Variants in RNF38 observed in about 807,000 individuals in gnomAD.
RNF38 encodes the protein ring finger protein 38, also known as E3 ubiquitin-protein ligase RNF38.
Under a neutral mutation model 67.2 loss-of-function variants are expected in RNF38, and 15 were observed. The observed-to-expected ratio is 0.22, with a 90% CI of 0.15 to 0.34. The LOEUF (loss-of-function observed/expected upper bound fraction) is 0.34. Among genes scored for constraint, RNF38 ranks in the 10% least tolerant of loss-of-function variants. RNF38 has a pLI of 1.00. For missense variants in RNF38, 524 were observed against 639.9 expected, an observed-to-expected ratio of 0.82 and a Z score of 1.95; for synonymous variants, 220 against 218.8, an observed-to-expected ratio of 1.01 and a Z score of -0.05.
At chr9:36,447,125 CAAAAA>C (rs535462916) in intron 1 of RNF38, among the ~76,000 whole-genome samples, 3 of 93,086 alleles carry the variant, frequency 3.2e-5, no homozygotes, top group African/African-American at 1.2e-4. Flanking sequence ...AGACTGTCTC[CAAAAA>C]AAAAAAAAAA....
intron 9 of RNF38, among the ~76,000 whole-genome samples, chr9:36,348,706 C>T (rs1193856717): frequency 6.6e-6 from 1 of 152,184 alleles, no homozygotes; most frequent in South Asian, 2.1e-4. Context: ...TGGAAGCTAG[C>T]AAAGGCTGGT....
At chr9:36,348,952 G>A (rs1833503452) in intron 9 of RNF38, among the ~76,000 whole-genome samples, 2 of 151,170 alleles carry the variant, frequency 1.3e-5, no homozygotes, top group Admixed American at 6.6e-5. Context: ...TGGCTTCAAA[G>A]AACAGGCTGA....
chr9:36,381,493 A>G (rs1394288934), intron 2 of RNF38, among the ~76,000 whole-genome samples: 3 of 152,198 alleles, frequency 2.0e-5, no homozygotes, highest in African/African-American at 7.2e-5. Flanking sequence ...TTTTGTGACA[A>G]TAAGATACCA....
intron 1 of RNF38, among the ~76,000 whole-genome samples, chr9:36,482,007 G>C (rs1011178327): frequency 6.6e-6 from 1 of 151,570 alleles, no homozygotes; most frequent in Non-Finnish European, 1.5e-5. Flanking sequence ...GTGGCACATA[G>C]GTACTATACT....
intron 3 of RNF38, among the ~76,000 whole-genome samples, chr9:36,373,211 T>TA (rs1048663450): frequency 1.3e-5 from 2 of 151,972 alleles, no homozygotes; most frequent in Non-Finnish European, 2.9e-5. Flanking sequence ...ACATTTCCAA[T>TA]AAAAAAGTTA....
At chr9:36,342,448 TAACCACAA>T in intron 10 of RNF38, 24 bp from the exon 11 acceptor site, 1 of 1,456,902 alleles carries the variant, frequency 6.9e-7, no homozygotes. Flanking sequence ...AAAGATCATT[TAACCACAA>T]AACCAGATGG....
chr9:36,419,259 AC>A (rs1477871992), intron 2 of RNF38, among the ~76,000 whole-genome samples: 9 of 152,182 alleles, frequency 5.9e-5, no homozygotes, highest in African/African-American at 2.2e-4. Context: ...GCGATATTGA[AC>A]CTGTAAGTAC....
chr9:36,397,096 T>C (rs994054422), intron 1 of RNF38, among the ~76,000 whole-genome samples: 1 of 135,364 alleles, frequency 7.4e-6, no homozygotes, highest in African/African-American at 2.9e-5. Flanking sequence ...TATATATATA[T>C]ATGTTTTGTT....
chr9:36,373,942 C>T (rs1174195531), intron 3 of RNF38, among the ~76,000 whole-genome samples: 1 of 152,138 alleles, frequency 6.6e-6, no homozygotes, highest in Non-Finnish European at 1.5e-5. Context: ...CCATCCACCT[C>T]GGCCTCCCAA....
intron 1 of RNF38, among the ~76,000 whole-genome samples, chr9:36,430,544 G>A (rs1348284202): frequency 6.6e-6 from 1 of 152,062 alleles, no homozygotes; most frequent in Non-Finnish European, 1.5e-5. Context: ...GGAGGAAAGA[G>A]GTAGTTAATG....
intron 11 of RNF38, among the ~76,000 whole-genome samples, chr9:36,340,812 C>A (rs900989659): frequency 3.3e-5 from 5 of 152,194 alleles, no homozygotes; most frequent in African/African-American, 1.2e-4. Context: ...TTGCTTTCTC[C>A]ATTTCAACAA....
At chr9:36,351,673 A>G (rs1207708046) in intron 8 of RNF38, among the ~76,000 whole-genome samples, 2 of 152,188 alleles carry the variant, frequency 1.3e-5, no homozygotes, top group Non-Finnish European at 2.9e-5. Context: ...AAAAACTATG[A>G]CCACAGTGTG....
At chr9:36,425,094 A>G (rs188596706) in intron 1 of RNF38, among the ~76,000 whole-genome samples, 16 of 152,346 alleles carry the variant, frequency 1.1e-4, no homozygotes, top group African/African-American at 3.8e-4. Context: ...TTCTAAACAT[A>G]TAAGAAACAA....
intron 2 of RNF38, among the ~76,000 whole-genome samples, chr9:36,383,250 G>C (rs1836340366): frequency 6.6e-6 from 1 of 152,154 alleles, no homozygotes; most frequent in South Asian, 2.1e-4. Flanking sequence ...CTGCCAGGCT[G>C]GAGTGCAGTG....
intron 1 of RNF38, among the ~76,000 whole-genome samples, chr9:36,472,467 A>G (rs778740055): frequency 3.2e-4 from 48 of 152,328 alleles, no homozygotes; most frequent in Non-Finnish European, 6.0e-4. Flanking sequence ...GTCCAAGACA[A>G]TTCTTTCAAC....
intron 1 of RNF38, among the ~76,000 whole-genome samples, chr9:36,460,824 T>G (rs1303558010): frequency 1.4e-5 from 2 of 142,618 alleles, no homozygotes; most frequent in Non-Finnish European, 3.0e-5. Flanking sequence ...GAGGTGAAGG[T>G]TGCAGCGAGC....
At position 36,357,436 on chromosome 9, in the gene RNF38, C is replaced by G. The variant is rs117510852; in HGVS notation, c.738+339G>C. Among the ~76,000 whole-genome samples the G allele has an allele frequency of 1.1e-4, 16 of 152,298 alleles. No homozygotes were observed. In the East Asian group the frequency reaches 3.1e-3, roughly 29 times the overall value. On this transcript the variant is annotated intron_variant, in intron 5 of 11. Transcript: ENST00000259605. Reference sequence around the variant, plus strand: ...GGTCTCTGAGACTTAGGCTGACCTTCATTGGCTTTAATTATAAACGGTGTT... The same window carrying G: ...GGTCTCTGAGACTTAGGCTGACCTTGATTGGCTTTAATTATAAACGGTGTT...
chr9:36,375,960 G>T lies in RNF38; in HGVS notation c.330C>A (p.Cys110Ter). The T allele has an allele frequency of 6.2e-7, 1 of 1,612,706 alleles. No homozygotes were observed. Among genetic ancestry groups the T allele is most frequent in the Non-Finnish European group, 8.5e-7 (1 of 1,179,530 alleles). ...TTCTTCTGTTGCGTGCAGGTGTGTT[G>T]CATCGTTCCCCTGAGAAGTGATGTT... ...PSQHHFSGER[C>*]NTPARNRRSP... The change falls in exon 3 of 12, where the codon TGC becomes TGA. Residue 110 changes from cysteine to a stop codon, truncating the protein, a stop_gained. Transcript: ENST00000259605. LOFTEE classifies it high-confidence loss of function.
intron 3 of RNF38, chr9:36,372,709 AT>A (rs1386228411): frequency 2.1e-6 from 1 of 478,492 alleles, no homozygotes; most frequent in African/African-American, 2.0e-5. Context: ...TTGTCTTGCT[AT>A]GAACGAGGAC....
Sources: allele counts gnomAD v4.1 joint callset (sites outside exome capture counted in the v4.1 genomes callset), GRCh38; gene constraint gnomAD v4.1.1; transcripts MANE v1.5; gene names NCBI Gene and HGNC (gene_info 2026-07-23, HGNC 2026-07-21).